ADARB2: variants seen among roughly 807,000 people sequenced by gnomAD.
The protein encoded by ADARB2 is inactive double-stranded RNA-specific editase B2.
A neutral mutation model predicts 62.2 loss-of-function variants in ADARB2; 25 were observed. The observed-to-expected ratio is 0.40, with a 90% CI of 0.29 to 0.56. The LOEUF is 0.56. Among genes scored for constraint, ADARB2 ranks in the 20% least tolerant of loss-of-function variants. The probability of loss-of-function intolerance (pLI) is 0.43; values close to 1 mark genes in which losing one functional copy is unlikely to be tolerated. For synonymous variants in ADARB2, 572 were observed against 500.8 expected (o/e 1.14, Z -1.90); for missense variants, 1,071 against 1,077.4 (o/e 0.99, Z 0.08).
chr10:1,714,480 G>A (rs967450112), intron 1 of ADARB2, among the ~76,000 whole-genome samples: 3 of 152,188 alleles, frequency 2.0e-5, no homozygotes, highest in East Asian at 1.9e-4. Flanking sequence ...ACCAGCCAAC[G>A]CCCATTTAAT....
chr10:1,191,940 C>G (rs1294110093), intron 8 of ADARB2, among the ~76,000 whole-genome samples: 2 of 152,228 alleles, frequency 1.3e-5, no homozygotes, highest in African/African-American at 4.8e-5. Flanking sequence ...ACTGCTTCAA[C>G]TACCACCGTG....
intron 1 of ADARB2, among the ~76,000 whole-genome samples, chr10:1,528,725 A>G (rs1281373061): frequency 6.6e-6 from 1 of 152,208 alleles, no homozygotes; most frequent in East Asian, 1.9e-4. Context: ...GAAAACAGTT[A>G]GATGCTGTCA....
intron 1 of ADARB2, among the ~76,000 whole-genome samples, chr10:1,583,340 CT>C (rs768427584): frequency 6.6e-4 from 100 of 152,186 alleles, no homozygotes; most frequent in Admixed American, 2.7e-3. Flanking sequence ...ATCTACAGAG[CT>C]TTGCATTTTA....
intron 1 of ADARB2, among the ~76,000 whole-genome samples, chr10:1,583,651 C>T (rs4478908): frequency 6.6e-6 from 1 of 152,244 alleles, no homozygotes; most frequent in Non-Finnish European, 1.5e-5. Context: ...TAAGATGTCA[C>T]TTCTTCCTCA....
At chr10:1,540,226 G>A (rs1193779621) in intron 1 of ADARB2, among the ~76,000 whole-genome samples, 1 of 151,948 alleles carries the variant, frequency 6.6e-6, no homozygotes, top group African/African-American at 2.4e-5. Context: ...GCAGCCCGTG[G>A]GTCCTGAGAT....
At chr10:1,536,455 A>C (rs1050918955) in intron 1 of ADARB2, among the ~76,000 whole-genome samples, 2 of 152,216 alleles carry the variant, frequency 1.3e-5, no homozygotes, top group Non-Finnish European at 2.9e-5. Flanking sequence ...TCCTCCCAGC[A>C]CAGTGTCACC....
chr10:1,661,950 C>T (rs2119088936), intron 1 of ADARB2, among the ~76,000 whole-genome samples: 1 of 152,274 alleles, frequency 6.6e-6, no homozygotes, highest in South Asian at 2.1e-4. Flanking sequence ...AAGGGAAATG[C>T]AGGCACTGAG....
intron 7 of ADARB2, chr10:1,216,693 T>A: frequency 1.9e-6 from 1 of 525,654 alleles, no homozygotes. Flanking sequence ...TGCCGGGCCT[T>A]GCTCGGGGCT....
chr10:1,207,885 T>G (rs1306976806), intron 7 of ADARB2, among the ~76,000 whole-genome samples: 2 of 152,318 alleles, frequency 1.3e-5, no homozygotes, highest in South Asian at 2.1e-4. Context: ...ACCTCTGCAG[T>G]TTTCCTCATT....
intron 3 of ADARB2, among the ~76,000 whole-genome samples, chr10:1,359,011 TC>T (rs1333310356): frequency 5.3e-5 from 8 of 152,334 alleles, no homozygotes; most frequent in African/African-American, 1.4e-4. Flanking sequence ...GCTTAGGAAT[TC>T]TTTTGATGCT....
Position 1,675,320 on chromosome 10 carries a change from C to G in ADARB2, c.100+61731G>C, listed in dbSNP as rs181772447. The G allele has an allele frequency of 7.5e-4, 735 of 974,414 alleles. 60 individuals are homozygous for G. The African/African-American group carries it at 0.014, about 18-fold the overall frequency. The allele number at this position is 974,414 out of a possible 1,614,324, so 60.4% of individuals were successfully genotyped here. ...TTCTGGAGGTTTGGGTTCGGGGATG[C>G]ATGAATGTTCTGGAGGTTTGGGTTT... On this transcript the variant is annotated intron_variant, in intron 1 of 9. Transcript: ENST00000381312.
At chr10:1,594,362 C>T (rs115058236) in intron 1 of ADARB2, among the ~76,000 whole-genome samples, 2,353 of 152,268 alleles carry the variant, frequency 0.015, 62 homozygotes, top group African/African-American at 0.052. Flanking sequence ...CCTCCCGGGG[C>T]GAGGTAGCAT....
chr10:1,655,422 G>A lies in ADARB2; in HGVS notation c.100+81629C>T, dbSNP rs541667101. Among the ~76,000 whole-genome samples, 10 of 152,220 alleles carry A rather than the reference G, an allele frequency of 6.6e-5. No homozygotes were observed. In the South Asian group the frequency reaches 1.9e-3, roughly 28 times the overall value. Reference sequence around the variant, plus strand: ...CATCCAGGCATCTTTTCCGGGCTGAGTTTTCTGCAAGGCTTGTCGGGTCCA... The same window carrying A: ...CATCCAGGCATCTTTTCCGGGCTGAATTTTCTGCAAGGCTTGTCGGGTCCA... On this transcript the variant is annotated intron_variant, in intron 1 of 9. Transcript: ENST00000381312.
chr10:1,731,177 G>A (rs1227811727), intron 1 of ADARB2, among the ~76,000 whole-genome samples: 1 of 152,222 alleles, frequency 6.6e-6, no homozygotes, highest in Non-Finnish European at 1.5e-5. Flanking sequence ...ATATTTGGAT[G>A]TGGTTTCCGG....
At chr10:1,293,228 G>GGGGGAGAGGGACAGAGGGAGGGGA (rs1554752375) in intron 3 of ADARB2, among the ~76,000 whole-genome samples, 2 of 108,450 alleles carry the variant, frequency 1.8e-5, no homozygotes, top group Non-Finnish European at 3.9e-5. Flanking sequence ...GAGAGGGACG[G>GGGGGAGAGGGACAGAGGGAGGGGA]GGAGGGAGAG....
chr10:1,409,120 C>T (rs1588247481), intron 1 of ADARB2, among the ~76,000 whole-genome samples: 2 of 152,360 alleles, frequency 1.3e-5, no homozygotes, highest in African/African-American at 4.8e-5. Flanking sequence ...ACACCACATA[C>T]CCCTGAAGCA....
chr10:1,510,112 C>T (rs1215445892), intron 1 of ADARB2, among the ~76,000 whole-genome samples: 1 of 72,646 alleles, frequency 1.4e-5, no homozygotes, highest in Non-Finnish European at 2.7e-5. Flanking sequence ...TTCTTTCTCT[C>T]TTTCTTTCTT....
In ADARB2 at chr10:1,424,201, T is replaced by A. The variant is rs150353687; in HGVS notation, c.101-45041A>T. On this transcript the variant is annotated intron_variant, in intron 1 of 9. Coordinates refer to ENST00000381312, the MANE Select transcript of ADARB2 (RefSeq NM_018702.4). Reference sequence around the variant, plus strand: ...GTATGCAGTAGGTCCATTATGTATGTAGTAGGTCTGCAAAGACTTTGCTGA... The same window carrying A: ...GTATGCAGTAGGTCCATTATGTATGAAGTAGGTCTGCAAAGACTTTGCTGA... Among the ~76,000 whole-genome samples, 389 of 152,326 alleles carry A rather than the reference T, an allele frequency of 2.6e-3. 1 individual carries two copies. Among genetic ancestry groups the A allele is most frequent in the African/African-American group, 8.6e-3 (358 of 41,566 alleles).
chr10:1,485,400 G>T (rs1831527182), intron 1 of ADARB2, among the ~76,000 whole-genome samples: 2 of 152,074 alleles, frequency 1.3e-5, no homozygotes. Flanking sequence ...CTACCTAAGA[G>T]GCATGGATAT....
Sources: gnomAD v4.1 joint callset for allele counts (sites outside exome capture counted in the v4.1 genomes callset) on GRCh38, gnomAD v4.1.1 for gene constraint, MANE v1.5 for transcripts, NCBI Gene and HGNC (gene_info 2026-07-23, HGNC 2026-07-21) for gene names.